GRM8: variants seen among roughly 807,000 people sequenced by gnomAD.
The protein encoded by GRM8 is metabotropic glutamate receptor 8.
GRM8 carries 47 observed loss-of-function variants against 87.2 expected under a neutral mutation model. That is an observed-to-expected ratio of 0.54 (90% CI 0.43 to 0.69). GRM8 has a LOEUF of 0.69. Ranked by LOEUF, GRM8 falls within the 30% of genes least tolerant of loss-of-function variation. The probability of loss-of-function intolerance (pLI) is 0.00; values close to 1 mark genes in which losing one functional copy is unlikely to be tolerated. For synonymous variants in GRM8, 396 were observed against 404.5 expected (o/e 0.98, Z 0.25); for missense variants, 1,019 against 1,139.2 (o/e 0.89, Z 1.52).
At chr7:126,871,259 C>T (rs1461547682) in intron 6 of GRM8, among the ~76,000 whole-genome samples, 1 of 152,102 alleles carries the variant, frequency 6.6e-6, no homozygotes, top group Non-Finnish European at 1.5e-5. Context: ...AAGCTGGTCA[C>T]ATTTTGAAGA....
chr7:126,584,493 T>A (rs1795911763), intron 8 of GRM8, among the ~76,000 whole-genome samples: 1 of 152,198 alleles, frequency 6.6e-6, no homozygotes, highest in African/African-American at 2.4e-5. Context: ...GTTGACCGAT[T>A]GTCTCAATGT....
At chr7:127,219,754 G>C (rs1377962870) in intron 2 of GRM8, 1 of 152,158 alleles carries the variant, frequency 6.6e-6, no homozygotes, top group African/African-American at 2.4e-5. Flanking sequence ...TGCCATGCTA[G>C]CCTTATGCAA....
At chr7:127,002,608 G>A (rs1813842087) in intron 3 of GRM8, among the ~76,000 whole-genome samples, 1 of 151,616 alleles carries the variant, frequency 6.6e-6, no homozygotes, top group Non-Finnish European at 1.5e-5. Context: ...CACTTTATCT[G>A]GGAGTGATAA....
intron 9 of GRM8, among the ~76,000 whole-genome samples, chr7:126,519,012 A>T (rs1038217816): frequency 6.6e-6 from 1 of 152,098 alleles, no homozygotes; most frequent in South Asian, 2.1e-4. Context: ...TTTAGAACAC[A>T]TTAACTCAGA....
chr7:127,012,286 T>C (rs1274697363), intron 3 of GRM8, among the ~76,000 whole-genome samples: 1 of 152,172 alleles, frequency 6.6e-6, no homozygotes. Flanking sequence ...AGTTCTACTA[T>C]ATGCATCCTT....
chr7:126,620,939 C>T (rs1012055897), intron 7 of GRM8, among the ~76,000 whole-genome samples: 4 of 152,002 alleles, frequency 2.6e-5, no homozygotes, highest in Middle Eastern at 3.2e-3. Flanking sequence ...CCTCATGCTA[C>T]CAAAACCTTA....
chr7:126,638,717 T>C (rs1435927493), intron 7 of GRM8, among the ~76,000 whole-genome samples: 2 of 152,204 alleles, frequency 1.3e-5, no homozygotes, highest in African/African-American at 2.4e-5. Context: ...TAACTTAGTC[T>C]ATCTTGCTTC....
At chr7:126,529,250 T>C (rs902207167) in intron 9 of GRM8, among the ~76,000 whole-genome samples, 6 of 152,228 alleles carry the variant, frequency 3.9e-5, no homozygotes, top group East Asian at 1.9e-4. Context: ...CATTGTGCTA[T>C]AGTCTAACTT....
intron 2 of GRM8, among the ~76,000 whole-genome samples, chr7:127,204,113 T>C (rs982735079): frequency 4.8e-5 from 7 of 147,138 alleles, no homozygotes; most frequent in African/African-American, 1.5e-4. Flanking sequence ...ATGCAGTTAA[T>C]GTACACAACA....
chr7:126,922,819 G>C (rs796456898), intron 3 of GRM8, among the ~76,000 whole-genome samples: 8 of 152,184 alleles, frequency 5.3e-5, no homozygotes, highest in African/African-American at 1.9e-4. Flanking sequence ...AGATCTGGTT[G>C]TTTAAAAGTA....
intron 9 of GRM8, among the ~76,000 whole-genome samples, chr7:126,531,329 C>T (rs1182899558): frequency 6.6e-6 from 1 of 152,122 alleles, no homozygotes; most frequent in Non-Finnish European, 1.5e-5. Flanking sequence ...AAAATGAATC[C>T]ATTAACATAT....
chr7:126,459,440 A>G (rs1049808795), intron 9 of GRM8, among the ~76,000 whole-genome samples: 4 of 151,200 alleles, frequency 2.6e-5, no homozygotes, highest in African/African-American at 9.7e-5. Flanking sequence ...CTGTTCCCCT[A>G]CCTCTCATCC....
At chr7:127,029,327 G>A (rs2132287120) in intron 3 of GRM8, among the ~76,000 whole-genome samples, 1 of 152,298 alleles carries the variant, frequency 6.6e-6, no homozygotes, top group Non-Finnish European at 1.5e-5. Flanking sequence ...GAGGTGGAGA[G>A]ATCTGTAGAT....
At chr7:126,748,249 G>A (rs534012655) in intron 7 of GRM8, among the ~76,000 whole-genome samples, 1 of 152,142 alleles carries the variant, frequency 6.6e-6, no homozygotes, top group Admixed American at 6.6e-5. Flanking sequence ...ATATGATTAA[G>A]TTGAAAGGCC....
At chr7:126,615,711 CG>C (rs1799418746) in intron 7 of GRM8, among the ~76,000 whole-genome samples, 1 of 151,956 alleles carries the variant, frequency 6.6e-6, no homozygotes, top group Non-Finnish European at 1.5e-5. Context: ...CAAAAAAAGG[CG>C]GGGGTTGCAA....
chr7:127,231,926 G>A (rs1001637017), intron 2 of GRM8, among the ~76,000 whole-genome samples: 4 of 151,166 alleles, frequency 2.6e-5, no homozygotes, highest in Non-Finnish European at 4.4e-5. Flanking sequence ...GCGCTGAAAC[G>A]ATATTAAAAT....
chr7:127,082,521 A>C (rs1195818687), intron 3 of GRM8, among the ~76,000 whole-genome samples: 4 of 152,188 alleles, frequency 2.6e-5, no homozygotes, highest in African/African-American at 9.7e-5. Context: ...TAATTCGACC[A>C]GTCAATGAAT....
chr7:126,988,668 G>A (rs1306258797), intron 3 of GRM8, among the ~76,000 whole-genome samples: 1 of 152,168 alleles, frequency 6.6e-6, no homozygotes, highest in East Asian at 1.9e-4. Context: ...TATGCAATGA[G>A]TTCTTAGTAT....
At chr7:126,749,459 C>T (rs1816137294) in intron 7 of GRM8, among the ~76,000 whole-genome samples, 1 of 151,508 alleles carries the variant, frequency 6.6e-6, no homozygotes, top group Admixed American at 6.6e-5. Flanking sequence ...GACAAATTAG[C>T]CTTCATCAGA....
Sources: gnomAD v4.1 joint callset for allele counts (sites outside exome capture counted in the v4.1 genomes callset) on GRCh38, gnomAD v4.1.1 for gene constraint, MANE v1.5 for transcripts, NCBI Gene and HGNC (gene_info 2026-07-23, HGNC 2026-07-21) for gene names.